The following CFAP299 variants were observed in gnomAD, a reference collection of about 807,000 sequenced individuals.
CFAP299 encodes the protein cilia and flagella associated protein 299, also known as cilia- and flagella-associated protein 299.
CFAP299 carries 21 observed loss-of-function variants against 27.0 expected under a neutral mutation model. That is an observed-to-expected ratio of 0.78 (90% CI 0.55 to 1.12). The LOEUF (loss-of-function observed/expected upper bound fraction) is 1.12. CFAP299 is among the 50% of genes most tolerant of loss of function. The pLI is 0.00. For synonymous variants in CFAP299, 104 were observed against 98.1 expected, an observed-to-expected ratio of 1.06 and a Z score of -0.36; for missense variants, 310 against 276.6, an observed-to-expected ratio of 1.12 and a Z score of -0.86.
intron 3 of CFAP299, among the ~76,000 whole-genome samples, chr4:80,768,849 A>T (rs1726046638): frequency 6.6e-6 from 1 of 152,228 alleles, no homozygotes; most frequent in African/African-American, 2.4e-5. Flanking sequence ...TTTCAAGACA[A>T]TATACACATA....
At chr4:80,927,415 C>T (rs961044632) in intron 4 of CFAP299, among the ~76,000 whole-genome samples, 1 of 152,052 alleles carries the variant, frequency 6.6e-6, no homozygotes, top group East Asian at 1.9e-4. Flanking sequence ...AAGACCCCTC[C>T]AAGGTCTAAT....
At chr4:80,818,311 T>G (rs746389762) in intron 3 of CFAP299, among the ~76,000 whole-genome samples, 5 of 152,220 alleles carry the variant, frequency 3.3e-5, no homozygotes, top group Non-Finnish European at 5.9e-5. Flanking sequence ...TAGAAAGTAA[T>G]TATTTTGTTT....
intron 3 of CFAP299, among the ~76,000 whole-genome samples, chr4:80,664,752 G>A (rs1193751001): frequency 6.6e-6 from 1 of 152,058 alleles, no homozygotes; most frequent in Non-Finnish European, 1.5e-5. Context: ...CTGCCTGGCT[G>A]GTGTTCTAGG....
chr4:80,798,076 T>C (rs1342949280), intron 3 of CFAP299, among the ~76,000 whole-genome samples: 1 of 152,134 alleles, frequency 6.6e-6, no homozygotes, highest in Non-Finnish European at 1.5e-5. Flanking sequence ...TCCATGCCTG[T>C]TCTCCAGATT....
At chr4:80,699,226 G>A (rs945256490) in intron 3 of CFAP299, among the ~76,000 whole-genome samples, 1 of 152,120 alleles carries the variant, frequency 6.6e-6, no homozygotes, top group Non-Finnish European at 1.5e-5. Flanking sequence ...TGTCTCAGAT[G>A]TACTTATAAG....
intron 4 of CFAP299, among the ~76,000 whole-genome samples, chr4:80,936,422 A>AG (rs1477558455): frequency 3.9e-4 from 59 of 152,252 alleles, no homozygotes; most frequent in Non-Finnish European, 5.9e-5. Context: ...AAGAAAACGT[A>AG]GTACATATAC....
chr4:80,543,124 C>G (rs34975597), intron 2 of CFAP299, among the ~76,000 whole-genome samples: 11,753 of 152,256 alleles, frequency 0.077, 524 homozygotes, highest in Non-Finnish European at 0.094. Flanking sequence ...CTGAAAGTAT[C>G]TAGAAACAGT....
At chr4:80,860,239 C>T (rs538627813) in intron 3 of CFAP299, among the ~76,000 whole-genome samples, 8 of 152,288 alleles carry the variant, frequency 5.3e-5, no homozygotes, top group South Asian at 2.1e-4. Context: ...CCGTAGTTCT[C>T]GAGCCTTGGC....
chr4:80,652,708 A>T (rs903296778), intron 3 of CFAP299, among the ~76,000 whole-genome samples: 2 of 152,084 alleles, frequency 1.3e-5, no homozygotes, highest in African/African-American at 4.8e-5. Context: ...GTGTTGACCA[A>T]CTACACTTCT....
intron 2 of CFAP299, among the ~76,000 whole-genome samples, chr4:80,440,799 C>A (rs139402336): frequency 6.6e-6 from 1 of 152,248 alleles, no homozygotes; most frequent in Non-Finnish European, 1.5e-5. Context: ...TGCAAGGAAG[C>A]TAAGAACCTT....
intron 3 of CFAP299, among the ~76,000 whole-genome samples, chr4:80,677,607 A>G (rs568398564): frequency 5.6e-4 from 86 of 152,218 alleles, no homozygotes; most frequent in African/African-American, 1.9e-3. Flanking sequence ...ATACAATAAT[A>G]TCATAAAAAC....
At chr4:80,789,687 A>G (rs905954567) in intron 3 of CFAP299, among the ~76,000 whole-genome samples, 1 of 152,038 alleles carries the variant, frequency 6.6e-6, no homozygotes, top group African/African-American at 2.4e-5. Context: ...AGCAAACAGA[A>G]GTACAGAATA....
At chr4:80,365,187 G>T (rs1223232906) in intron 2 of CFAP299, among the ~76,000 whole-genome samples, 1 of 152,090 alleles carries the variant, frequency 6.6e-6, no homozygotes, top group African/African-American at 2.4e-5. Context: ...GCAAACAATG[G>T]TTGAATAATT....
At chr4:80,486,853 G>T (rs1258891567) in intron 2 of CFAP299, among the ~76,000 whole-genome samples, 1 of 152,194 alleles carries the variant, frequency 6.6e-6, no homozygotes, top group Non-Finnish European at 1.5e-5. Context: ...TAGTCTAGTG[G>T]CCAGCATTGG....
chr4:80,794,104 G>C (rs1727719524), intron 3 of CFAP299, among the ~76,000 whole-genome samples: 1 of 152,158 alleles, frequency 6.6e-6, no homozygotes, highest in Non-Finnish European at 1.5e-5. Context: ...CTCCATTCTG[G>C]AGAAGTAAAC....
chr4:80,459,939 A>C (rs1578469800), intron 2 of CFAP299, among the ~76,000 whole-genome samples: 1 of 152,304 alleles, frequency 6.6e-6, no homozygotes. Flanking sequence ...AAAAGCCATA[A>C]AATTTATTAA....
chr4:80,535,933 A>G (rs906857880), intron 2 of CFAP299, among the ~76,000 whole-genome samples: 1 of 152,216 alleles, frequency 6.6e-6, no homozygotes, highest in East Asian at 1.9e-4. Flanking sequence ...TAATTGTAGC[A>G]TATTCAAAGG....
intron 3 of CFAP299, among the ~76,000 whole-genome samples, chr4:80,760,947 G>C (rs1318940350): frequency 6.6e-6 from 1 of 152,110 alleles, no homozygotes; most frequent in East Asian, 1.9e-4. Context: ...CATGTGTTGG[G>C]ACAAGTGAAA....
chr4:80,892,092 A>C (rs1002383725), intron 4 of CFAP299, among the ~76,000 whole-genome samples: 1 of 152,156 alleles, frequency 6.6e-6, no homozygotes, highest in Non-Finnish European at 1.5e-5. Context: ...AAATCACATT[A>C]TCTGACTTCA....
Sources: gnomAD v4.1 joint callset for allele counts (sites outside exome capture counted in the v4.1 genomes callset) on GRCh38, gnomAD v4.1.1 for gene constraint, MANE v1.5 for transcripts, NCBI Gene and HGNC (gene_info 2026-07-23, HGNC 2026-07-21) for gene names.